The following SEMA3A variants were observed in gnomAD, a reference collection of about 807,000 sequenced individuals.
SEMA3A encodes the protein semaphorin 3A, also known as semaphorin-3A.
A neutral mutation model predicts 97.9 loss-of-function variants in SEMA3A; 29 were observed. That is an observed-to-expected ratio of 0.30 (90% CI 0.22 to 0.40). The LOEUF is 0.40. Ranked by LOEUF, SEMA3A falls within the 10% of genes least tolerant of loss-of-function variation. The pLI is 1.00. For synonymous variants in SEMA3A, 321 were observed against 323.7 expected, an observed-to-expected ratio of 0.99 and a Z score of 0.09; for missense variants, 763 against 951.3, an observed-to-expected ratio of 0.80 and a Z score of 2.60.
chr7:84,359,732 C>A (rs559770075), intron 2 of SEMA3A, among the ~76,000 whole-genome samples: 164 of 152,244 alleles, frequency 1.1e-3, no homozygotes, highest in Non-Finnish European at 1.9e-3. Context: ...CCTCCTTGTA[C>A]CTCTGGTAGA....
chr7:83,978,188 G>A (rs1231962033), intron 14 of SEMA3A, among the ~76,000 whole-genome samples: 1 of 152,060 alleles, frequency 6.6e-6, no homozygotes, highest in Admixed American at 6.6e-5. Context: ...GTGAATAAAA[G>A]CAACAATAAA....
chr7:84,053,144 A>G (rs1196853199), intron 5 of SEMA3A, among the ~76,000 whole-genome samples: 1 of 133,054 alleles, frequency 7.5e-6, no homozygotes, highest in African/African-American at 2.6e-5. Flanking sequence ...TATGTGGTCA[A>G]TTTTGGAATA....
rs967701914 is a variant in SEMA3A at position 84,271,143 on chromosome 7, T to G, written c.-83+36064A>C. Among the ~76,000 whole-genome samples the G allele has an allele frequency of 3.3e-5, 5 of 152,230 alleles. No individual in the cohort carries two copies. In the East Asian group the frequency reaches 9.6e-4, roughly 29 times the overall value. On this transcript the variant is annotated intron_variant, in intron 3 of 3. Coordinates refer to the SEMA3A transcript ENST00000424555. ...AATCTGTTTTCTTCTTTTCTCTCTC[T>G]TTTTTCTATTTATTTATAGCTACCT...
intron 1 of SEMA3A, among the ~76,000 whole-genome samples, chr7:84,397,724 G>A (rs1053101760): frequency 3.9e-5 from 6 of 151,908 alleles, no homozygotes; most frequent in African/African-American, 1.2e-4. Context: ...ATAGGGACAG[G>A]TAACTTTGAA....
intron 4 of SEMA3A, among the ~76,000 whole-genome samples, chr7:84,072,121 C>A (rs1417130241): frequency 6.6e-6 from 1 of 151,864 alleles, no homozygotes. Context: ...TTGATGCTTA[C>A]AGACTTCAAA....
At chr7:84,162,668 T>C (rs145488214) in intron 1 of SEMA3A, among the ~76,000 whole-genome samples, 45 of 152,248 alleles carry the variant, frequency 3.0e-4, no homozygotes, top group African/African-American at 1.0e-3. Flanking sequence ...TATTGTACAA[T>C]GTTGAACAGG....
intron 2 of SEMA3A, among the ~76,000 whole-genome samples, chr7:84,323,194 A>G (rs1277244057): frequency 2.0e-5 from 3 of 152,256 alleles, no homozygotes; most frequent in African/African-American, 7.2e-5. Flanking sequence ...TTAGCTATCA[A>G]TAGATTGACT....
Position 84,206,657 on chromosome 7 carries a change from ATTTATTGATT to A in SEMA3A, c.-82-11999_-82-11990del, listed in dbSNP as rs764807650. The stretch of plus-strand genomic sequence containing the variant: ...GCATTTTAGTCTAAGTAAAATTTAC[ATTTATTGATT>A]GCTCTGATTGCTGTTACTTATCTAT... On this transcript the variant is annotated intron_variant, in intron 3 of 3. Transcript: ENST00000424555. 3.9e-5 allele frequency among the ~76,000 whole-genome samples: 6 copies of A among 152,184 alleles called. No individual in the cohort carries two copies. The East Asian group carries it at 9.7e-4, about 25-fold the overall frequency.
intron 1 of SEMA3A, among the ~76,000 whole-genome samples, chr7:84,436,138 T>C (rs1187073143): frequency 1.3e-5 from 2 of 152,078 alleles, no homozygotes; most frequent in East Asian, 3.9e-4. Context: ...ATGCAGAATA[T>C]TGAAACTGGA....
At chr7:84,150,286 C>A (rs896379662) in intron 1 of SEMA3A, among the ~76,000 whole-genome samples, 2 of 152,148 alleles carry the variant, frequency 1.3e-5, no homozygotes, top group African/African-American at 4.8e-5. Flanking sequence ...CCAGCGTGAG[C>A]GACGCAGAAG....
rs532343025 is a variant in SEMA3A at position 84,025,074 on chromosome 7, G to A, written c.668-10723C>T. On this transcript the variant is annotated intron_variant, in intron 6 of 16. Coordinates refer to ENST00000265362, the MANE Select transcript of SEMA3A (RefSeq NM_006080.3). ...TGCACTCCAGCCTGGGTAACAAAGC[G>A]AGACTCTGTCTTTAAATGAATAAAT... is the stretch of plus-strand genomic sequence containing the variant. 2.2e-4 allele frequency among the ~76,000 whole-genome samples: 33 copies of A among 152,122 alleles called. 1 individual carries two copies. The highest frequency in any genetic ancestry group is 1.4e-3 in the Admixed American group (21 of 15,270).
chr7:84,400,338 T>C (rs982947515), intron 1 of SEMA3A, among the ~76,000 whole-genome samples: 2 of 152,258 alleles, frequency 1.3e-5, no homozygotes, highest in Non-Finnish European at 2.9e-5. Context: ...TGTGATCCCT[T>C]ACCCAGAGAA....
chr7:84,403,985 G>A (rs1001819258), intron 1 of SEMA3A, among the ~76,000 whole-genome samples: 14 of 152,292 alleles, frequency 9.2e-5, no homozygotes, highest in South Asian at 2.1e-4. Flanking sequence ...AAATCAGAGC[G>A]CCTCTCCTCC....
chr7:84,427,264 C>A (rs1173357266), intron 1 of SEMA3A, among the ~76,000 whole-genome samples: 1 of 151,978 alleles, frequency 6.6e-6, no homozygotes, highest in African/African-American at 2.4e-5. Flanking sequence ...TTTGCCTATA[C>A]CATCACTTCA....
chr7:84,486,366 G>A (rs547207143), intron 1 of SEMA3A, among the ~76,000 whole-genome samples: 34 of 152,206 alleles, frequency 2.2e-4, no homozygotes, highest in African/African-American at 6.7e-4. Flanking sequence ...CCAGCCTGGC[G>A]ACAGGGCGAG....
Position 84,053,130 on chromosome 7 carries a change from C to G in SEMA3A, c.548-6687G>C, listed in dbSNP as rs1222767184. ...CATTTGCTGAGGAGAGCTTTACTTC[C>G]AACTATGTGGTCAATTTTGGAATAG... is the stretch of plus-strand genomic sequence containing the variant. On this transcript the variant is annotated intron_variant, in intron 5 of 16. Transcript: ENST00000265362. Among the ~76,000 whole-genome samples, 3 of 137,088 alleles carry G rather than the reference C, an allele frequency of 2.2e-5. 1 individual carries two copies. The highest frequency in any genetic ancestry group is 7.6e-5 in the African/African-American group (3 of 39,386). 89.9% of individuals were successfully genotyped at this position (137,088 alleles called of 152,430 possible). A position where few individuals can be genotyped will look rare whatever the true frequency, so the allele number is the denominator to read the frequency against.
At chr7:84,398,780 C>G (rs147799687) in intron 1 of SEMA3A, among the ~76,000 whole-genome samples, 1 of 151,508 alleles carries the variant, frequency 6.6e-6, no homozygotes, top group Non-Finnish European at 1.5e-5. Context: ...TGAACTCCAG[C>G]CTGGGCAACA....
rs531893228 is a variant in SEMA3A, at chr7:84,411,503, TCAAAAATAATAG to T, written c.-245-39615_-245-39604del. ...ACCAGTCTTTTGTATTAAACCTATTTCAAAAATAATAGACTACTAATATAATTGCATCAGTTT... is the reference window on the plus strand; with the variant it reads ...ACCAGTCTTTTGTATTAAACCTATTTACTACTAATATAATTGCATCAGTTT... On this transcript the variant is annotated intron_variant, in intron 1 of 3. Transcript: ENST00000424555. 6.5e-4 allele frequency among the ~76,000 whole-genome samples: 98 copies of T among 151,878 alleles called. 2 individuals carry two copies. In the South Asian group the frequency reaches 0.019, roughly 30 times the overall value.
chr7:84,430,971 G>T (rs1804964347), intron 1 of SEMA3A, among the ~76,000 whole-genome samples: 1 of 151,964 alleles, frequency 6.6e-6, no homozygotes, highest in Non-Finnish European at 1.5e-5. Flanking sequence ...AAGGTACACA[G>T]ATTTTCCATG....
Sources: gnomAD v4.1 joint callset for allele counts (sites outside exome capture counted in the v4.1 genomes callset) on GRCh38, gnomAD v4.1.1 for gene constraint, MANE v1.5 for transcripts, NCBI Gene and HGNC (gene_info 2026-07-23, HGNC 2026-07-21) for gene names.